The following SEM1 variants were observed in gnomAD, a reference collection of about 807,000 sequenced individuals.
SEM1 encodes the protein SEM1 26S proteasome subunit.
SEM1 carries 3 observed loss-of-function variants against 12.7 expected under a neutral mutation model. The observed-to-expected ratio is 0.24, with a 90% confidence interval of 0.11 to 0.61. The LOEUF (loss-of-function observed/expected upper bound fraction) is 0.61. SEM1 is among the 20% of genes least tolerant of loss of function. The pLI is 0.88. For missense variants in SEM1, 59 were observed against 81.3 expected (o/e 0.73, Z 1.06); for synonymous variants, 30 against 27.8 (o/e 1.08, Z -0.25).
At chr7:96,620,165 G>A (rs1807847369), downstream of SEM1, among the ~76,000 whole-genome samples, 1 of 152,010 alleles carries the variant, frequency 6.6e-6, no homozygotes, top group Admixed American at 6.6e-5. Flanking sequence ...ACTCGAAATG[G>A]TGCTTTGGGC....
upstream of SEM1, among the ~76,000 whole-genome samples, chr7:96,498,870 G>C (rs1310578328): frequency 6.6e-6 from 1 of 152,050 alleles, no homozygotes; most frequent in Non-Finnish European, 1.5e-5. Flanking sequence ...AATCATTCTT[G>C]AAAATGAGTT....
chr7:96,662,618 A>G (rs1051525677), intron 2 of SEM1, among the ~76,000 whole-genome samples: 1 of 152,188 alleles, frequency 6.6e-6, no homozygotes, highest in Non-Finnish European at 1.5e-5. Flanking sequence ...GCAAACCACC[A>G]TGGCACATGT....
intron 2 of SEM1, among the ~76,000 whole-genome samples, chr7:96,659,983 C>T (rs1788941732): frequency 6.9e-6 from 1 of 144,562 alleles, no homozygotes; most frequent in Admixed American, 6.9e-5. Flanking sequence ...TTATATTAAA[C>T]TTGCCAGTTA....
At chr7:96,530,704 A>G (rs1276610786) in intron 2 of SEM1, among the ~76,000 whole-genome samples, 16 of 152,090 alleles carry the variant, frequency 1.1e-4, no homozygotes, top group Admixed American at 9.8e-4. Flanking sequence ...GCAGGATTCC[A>G]CCAGAACTCC....
At chr7:96,662,537 G>A (rs1265657253) in intron 2 of SEM1, among the ~76,000 whole-genome samples, 1 of 152,094 alleles carries the variant, frequency 6.6e-6, no homozygotes, top group Non-Finnish European at 1.5e-5. Context: ...GAGGCAAGGG[G>A]AGGCAGAGCA....
At chr7:96,575,720 G>A (rs1015749865) in intron 2 of SEM1, among the ~76,000 whole-genome samples, 4 of 152,164 alleles carry the variant, frequency 2.6e-5, no homozygotes, top group Admixed American at 6.5e-5. Context: ...GTGGCGCTGC[G>A]GTGGGCTCTG....
At chr7:96,571,437 A>G (rs956498643) in intron 2 of SEM1, among the ~76,000 whole-genome samples, 4 of 152,002 alleles carry the variant, frequency 2.6e-5, no homozygotes, top group East Asian at 3.9e-4. Flanking sequence ...GCCAGTTTTC[A>G]TAATGCCATT....
chr7:96,609,652 G>A (rs867709671), intron 2 of SEM1, among the ~76,000 whole-genome samples: 2 of 152,182 alleles, frequency 1.3e-5, no homozygotes, highest in Non-Finnish European at 2.9e-5. Context: ...ATGGTAAGGG[G>A]AATGTAAATA....
At position 96,557,223 on chromosome 7, in the gene SEM1, G is replaced by A. The variant is rs532486749; in HGVS notation, c.171-50525C>T. 2.1e-3 allele frequency among the ~76,000 whole-genome samples: 314 copies of A among 151,036 alleles called. 2 individuals are homozygous for A. The highest frequency in any genetic ancestry group is 0.011 in the South Asian group (52 of 4,742). On this transcript the variant is annotated intron_variant and NMD_transcript_variant, in intron 2 of 3. Coordinates refer to the SEM1 transcript ENST00000466986. Reference sequence around the variant, plus strand: ...GTCATTCTCTATCCAGCTTTGTTCCGTTGCTGGTGAGGAACTGCGTTCCTT... The same window carrying A: ...GTCATTCTCTATCCAGCTTTGTTCCATTGCTGGTGAGGAACTGCGTTCCTT...
intron 2 of SEM1, among the ~76,000 whole-genome samples, chr7:96,579,687 T>G (rs1275597515): frequency 6.6e-6 from 1 of 152,178 alleles, no homozygotes; most frequent in Non-Finnish European, 1.5e-5. Flanking sequence ...GACTGCCTCT[T>G]GAAAAGAGTA....
chr7:96,518,188 A>G (rs1339749348), intron 2 of SEM1, among the ~76,000 whole-genome samples: 1 of 151,842 alleles, frequency 6.6e-6, no homozygotes, highest in Non-Finnish European at 1.5e-5. Flanking sequence ...CATTGGATGC[A>G]TGTATTGAAG....
At chr7:96,701,254 C>A (rs1563119740) in intron 1 of SEM1, among the ~76,000 whole-genome samples, 1 of 151,894 alleles carries the variant, frequency 6.6e-6, no homozygotes, top group African/African-American at 2.4e-5. Flanking sequence ...CAAAACCCCC[C>A]CAAAAATTCT....
At chr7:96,628,368 T>C (rs1808139630) in intron 2 of SEM1, among the ~76,000 whole-genome samples, 1 of 152,132 alleles carries the variant, frequency 6.6e-6, no homozygotes, top group African/African-American at 2.4e-5. Context: ...CCTCTGGTGA[T>C]ATAATTTAGT....
intron 2 of SEM1, among the ~76,000 whole-genome samples, chr7:96,578,874 C>G (rs1295851071): frequency 6.6e-6 from 1 of 152,116 alleles, no homozygotes; most frequent in African/African-American, 2.4e-5. Flanking sequence ...AAGCTTTGTT[C>G]TCTATTTATT....
At chr7:96,610,103 G>GT (rs1807496004) in intron 2 of SEM1, among the ~76,000 whole-genome samples, 1 of 140,264 alleles carries the variant, frequency 7.1e-6, no homozygotes, top group Non-Finnish European at 1.5e-5. Context: ...AATTCCAGCA[G>GT]GTTTTTTTTT....
exon 3 of SEM1, chr7:96,673,824 G>T (rs1367675324): frequency 1.3e-6 from 1 of 765,196 alleles, no homozygotes; most frequent in Non-Finnish European, 2.4e-6. Context: ...GCCATACGGG[G>T]TTTCACAGAC....
chr7:96,704,758 G>A (rs1244120763), intron 1 of SEM1, among the ~76,000 whole-genome samples: 1 of 152,078 alleles, frequency 6.6e-6, no homozygotes, highest in African/African-American at 2.4e-5. Flanking sequence ...TTGGCACTAG[G>A]TAAACTGACT....
Position 96,622,915 on chromosome 7 carries a change from T to C in SEM1, c.171-272A>G, listed in dbSNP as rs73708371. The C allele has an allele frequency of 1.7e-3, 689 of 400,312 alleles. 6 individuals are homozygous for C. The highest frequency in any genetic ancestry group is 0.012 in the African/African-American group (599 of 49,900). The allele number at this position is 400,312 out of a possible 1,614,324, so 24.8% of individuals were successfully genotyped here. A position where few individuals can be genotyped will look rare whatever the true frequency, so the allele number is the denominator to read the frequency against. ...ACAAATGCTTTGGGGTCAGTGCCAG[T>C]CTTGACATCTGTGATGGTTAATTTT... On this transcript the variant is annotated intron_variant, in intron 2 of 2. Transcript: ENST00000417009.
chr7:96,577,621 G>T (rs1045591486), intron 2 of SEM1, among the ~76,000 whole-genome samples: 3 of 151,926 alleles, frequency 2.0e-5, no homozygotes, highest in Non-Finnish European at 2.9e-5. Context: ...GGATTTCAAA[G>T]AATTCAATGC....
Sources: gnomAD v4.1 joint callset for allele counts (sites outside exome capture counted in the v4.1 genomes callset) on GRCh38, gnomAD v4.1.1 for gene constraint, MANE v1.5 for transcripts, NCBI Gene and HGNC (gene_info 2026-07-23, HGNC 2026-07-21) for gene names.